Variants in MOB1B observed in about 807,000 individuals in gnomAD.
The protein encoded by MOB1B is MOB kinase activator 1B.
MOB1B carries 19 observed loss-of-function variants against 24.4 expected under a neutral mutation model. The observed-to-expected ratio is 0.78, with a 90% CI of 0.54 to 1.14. MOB1B has a LOEUF of 1.14. Ranked by LOEUF, MOB1B falls within the 50% of genes most tolerant of loss-of-function variation. The probability of loss-of-function intolerance (pLI) is 0.00; values close to 1 mark genes in which losing one functional copy is unlikely to be tolerated. For synonymous variants in MOB1B, 76 were observed against 82.1 expected, an observed-to-expected ratio of 0.93 and a Z score of 0.40; for missense variants, 243 against 259.6, an observed-to-expected ratio of 0.94 and a Z score of 0.44.
chr4:70,919,539 C>T (rs1736338859), intron 1 of MOB1B, among the ~76,000 whole-genome samples: 1 of 152,150 alleles, frequency 6.6e-6, no homozygotes. Flanking sequence ...TGCTCTGTTG[C>T]CCAGGCTGGA....
chr4:70,946,474 A>G (rs1737588522), intron 1 of MOB1B, among the ~76,000 whole-genome samples: 1 of 152,202 alleles, frequency 6.6e-6, no homozygotes, highest in Non-Finnish European at 1.5e-5. Context: ...AAAAAGAAAT[A>G]TAAACAAATA....
upstream of MOB1B, chr4:70,902,347 A>C (rs967539733): frequency 6.2e-5 from 42 of 676,976 alleles, no homozygotes; most frequent in Non-Finnish European, 1.0e-4. Context: ...AGCGCTACCC[A>C]CTTCCGCCCC....
intron 1 of MOB1B, among the ~76,000 whole-genome samples, chr4:70,945,789 T>G (rs1737549707): frequency 6.6e-6 from 1 of 152,120 alleles, no homozygotes; most frequent in Non-Finnish European, 1.5e-5. Context: ...CCTTAACCCG[T>G]CTTAGGATAT....
intron 2 of MOB1B, among the ~76,000 whole-genome samples, chr4:70,961,701 TA>T (rs1433320399): frequency 1.3e-5 from 2 of 152,230 alleles, no homozygotes; most frequent in African/African-American, 2.4e-5. Context: ...GTGTTGGATT[TA>T]AAATTTTCCT....
chr4:70,915,363 A>G (rs188154139), intron 1 of MOB1B, among the ~76,000 whole-genome samples: 41 of 152,348 alleles, frequency 2.7e-4, no homozygotes, highest in African/African-American at 9.4e-4. Flanking sequence ...TGAAAATGAA[A>G]GTACACTCCA....
intron 2 of MOB1B, among the ~76,000 whole-genome samples, chr4:70,965,943 A>T (rs1031783179): frequency 6.6e-6 from 1 of 151,994 alleles, no homozygotes; most frequent in African/African-American, 2.4e-5. Flanking sequence ...AGAATAAAAA[A>T]TCTGAATAAT....
At chr4:70,929,795 G>A (rs1392593715) in intron 1 of MOB1B, among the ~76,000 whole-genome samples, 8 of 152,012 alleles carry the variant, frequency 5.3e-5, no homozygotes, top group Admixed American at 2.0e-4. Context: ...ACAGGCACCC[G>A]CCACTGCGCC....
chr4:70,938,334 CAA>C (rs71211984), intron 1 of MOB1B, among the ~76,000 whole-genome samples: 50 of 6,280 alleles, frequency 8.0e-3, no homozygotes, highest in African/African-American at 0.02. Flanking sequence ...CCCCCCCCCC[CAA>C]AAAAAAAAAA....
chr4:70,938,777 GTTT>G (rs11297851), intron 1 of MOB1B, among the ~76,000 whole-genome samples: 11 of 127,876 alleles, frequency 8.6e-5, no homozygotes, highest in Admixed American at 3.1e-4. Flanking sequence ...TTAGGATTGG[GTTT>G]TTTTTTTTTT....
rs572028752 is a variant in MOB1B, at chr4:70,983,626, C to T, written c.*1569C>T. 5 of 152,428 alleles carry T rather than the reference C, an allele frequency of 3.3e-5. No homozygotes were observed. Among genetic ancestry groups the T allele is most frequent in the Non-Finnish European group, 5.9e-5 (4 of 67,980 alleles). 9.4% of individuals were successfully genotyped at this position (152,428 alleles called of 1,614,324 possible). A position where few individuals can be genotyped will look rare whatever the true frequency, so the allele number is the denominator to read the frequency against. On this transcript the variant is annotated 3_prime_UTR_variant, in exon 6 of 6. Transcript: ENST00000309395. ...TTTCACATCTAGGAAGAAATGCTTG[C>T]TCTGAAATAGTATAGATTAAAAACA... is the stretch of plus-strand genomic sequence containing the variant.
chr4:70,951,225 C>G (rs1407298692), intron 1 of MOB1B, among the ~76,000 whole-genome samples: 2 of 152,084 alleles, frequency 1.3e-5, no homozygotes, highest in Non-Finnish European at 2.9e-5. Flanking sequence ...AGCCAGCAAG[C>G]AAGCATTTCC....
Position 70,933,542 on chromosome 4 carries a change from C to CTTTT in MOB1B, c.15-25308_15-25305dup, listed in dbSNP as rs34950388. The stretch of plus-strand genomic sequence containing the variant: ...TATAGGGCTTGTAATAAAAATAACT[C>CTTTT]TTTTTTTTTTTTTTTTTTTTTTTTT... On this transcript the variant is annotated intron_variant, in intron 1 of 5. Transcript: ENST00000309395. Among the ~76,000 whole-genome samples the CTTTT allele has an allele frequency of 2.4e-4, 22 of 91,616 alleles. 1 individual carries two copies. Among genetic ancestry groups the CTTTT allele is most frequent in the Non-Finnish European group, 3.8e-4 (17 of 44,472 alleles). The allele number at this position is 91,616 out of a possible 152,430, so 60.1% of individuals were successfully genotyped here. A position where few individuals can be genotyped will look rare whatever the true frequency, so the allele number is the denominator to read the frequency against.
chr4:70,949,719 C>T lies in MOB1B; in HGVS notation c.15-9155C>T, dbSNP rs72854117. ...CCAGGGCAACAAAGTGAGACTTCCT[C>T]TCTATAAAAAAATACAACAACAAAA... On this transcript the variant is annotated intron_variant, in intron 1 of 5. Coordinates refer to ENST00000309395, the MANE Select transcript of MOB1B (RefSeq NM_173468.4). Among the ~76,000 whole-genome samples the T allele has an allele frequency of 3.0e-3, 459 of 151,982 alleles. 4 individuals are homozygous for T. The highest frequency in any genetic ancestry group is 0.011 in the African/African-American group (443 of 41,446).
At chr4:70,934,381 C>G (rs140331731) in intron 1 of MOB1B, among the ~76,000 whole-genome samples, 1 of 151,850 alleles carries the variant, frequency 6.6e-6, no homozygotes, top group African/African-American at 2.4e-5. Context: ...CCACTGTGCC[C>G]GGCCCCATTC....
At position 70,917,276 on chromosome 4, in the gene MOB1B, G is replaced by C. The variant is rs143824977; in HGVS notation, c.14+14726G>C. Among the ~76,000 whole-genome samples the C allele has an allele frequency of 2.5e-3, 381 of 152,254 alleles. 4 individuals are homozygous for C. The East Asian group carries it at 0.04, about 16-fold the overall frequency. On this transcript the variant is annotated intron_variant, in intron 1 of 5. Coordinates refer to ENST00000309395, the MANE Select transcript of MOB1B (RefSeq NM_173468.4). The stretch of plus-strand genomic sequence containing the variant: ...CATCTTTTATCTATGGAAGTATAAG[G>C]CTGGCTGCAAACTCCTTCAAAAATA...
chr4:70,976,643 T>G (rs1739008664), intron 4 of MOB1B: 1 of 969,318 alleles, frequency 1.0e-6, no homozygotes, highest in Non-Finnish European at 1.2e-6. Flanking sequence ...AAAAAAAATG[T>G]GACAACAATA....
At chr4:70,929,376 C>G (rs1736788671) in intron 1 of MOB1B, among the ~76,000 whole-genome samples, 1 of 151,636 alleles carries the variant, frequency 6.6e-6, no homozygotes. Flanking sequence ...AAGGGATTTT[C>G]CCATGTTGGC....
chr4:70,967,459 G>A lies in MOB1B; in HGVS notation c.182-2472G>A, dbSNP rs539497314. On this transcript the variant is annotated intron_variant, in intron 2 of 5. Coordinates refer to ENST00000309395, the MANE Select transcript of MOB1B (RefSeq NM_173468.4). ...AATTACTGAAGTCTTAACCAATTCAGTAAGGCAAGAAAAAGAATAAAAAAT... is the reference window on the plus strand; with the variant it reads ...AATTACTGAAGTCTTAACCAATTCAATAAGGCAAGAAAAAGAATAAAAAAT... Among the ~76,000 whole-genome samples, 23 of 152,128 alleles carry A rather than the reference G, an allele frequency of 1.5e-4. No homozygotes were observed. In the East Asian group the frequency reaches 3.9e-3, roughly 26 times the overall value.
intron 1 of MOB1B, among the ~76,000 whole-genome samples, chr4:70,948,882 C>G (rs1737687098): frequency 6.6e-6 from 1 of 152,144 alleles, no homozygotes; most frequent in South Asian, 2.1e-4. Flanking sequence ...TAAAATCCCT[C>G]CCTCCACCAT....
Sources: gnomAD v4.1 joint callset for allele counts (sites outside exome capture counted in the v4.1 genomes callset) on GRCh38, gnomAD v4.1.1 for gene constraint, MANE v1.5 for transcripts, NCBI Gene and HGNC (gene_info 2026-07-23, HGNC 2026-07-21) for gene names.